ARHGAP15: variants seen among roughly 807,000 people sequenced by gnomAD.
ARHGAP15 encodes the protein Rho GTPase activating protein 15.
Under a neutral mutation model 63.7 loss-of-function variants are expected in ARHGAP15, and 51 were observed. The ratio of observed to expected loss-of-function variants is 0.80; its 90% CI spans 0.64 to 1.01. ARHGAP15 has a LOEUF of 1.01. Among genes scored for constraint, ARHGAP15 ranks in the 50% least tolerant of loss-of-function variants. The pLI is 0.00. For synonymous variants in ARHGAP15, 191 were observed against 193.8 expected (o/e 0.99, Z 0.12); for missense variants, 560 against 564.6 (o/e 0.99, Z 0.08).
At chr2:143,759,726 A>G (rs1686696360) in intron 13 of ARHGAP15, among the ~76,000 whole-genome samples, 1 of 152,096 alleles carries the variant, frequency 6.6e-6, no homozygotes, top group Non-Finnish European at 1.5e-5. Context: ...GTGCACCTCG[A>G]CAGGACTCTG....
intron 6 of ARHGAP15, among the ~76,000 whole-genome samples, chr2:143,387,841 G>A (rs969104500): frequency 6.7e-6 from 1 of 149,672 alleles, no homozygotes; most frequent in Non-Finnish European, 1.5e-5. Context: ...ACGCATGCAA[G>A]CACACACACA....
At chr2:143,203,325 T>C (rs142367966) in intron 3 of ARHGAP15, among the ~76,000 whole-genome samples, 230 of 152,310 alleles carry the variant, frequency 1.5e-3, no homozygotes, top group African/African-American at 5.5e-3. Flanking sequence ...CTTTGCTGTT[T>C]CCAATTTCTG....
chr2:143,725,355 G>A (rs1685230509), intron 13 of ARHGAP15, among the ~76,000 whole-genome samples: 1 of 152,208 alleles, frequency 6.6e-6, no homozygotes, highest in Admixed American at 6.5e-5. Context: ...AAAACACCAA[G>A]AATTTGCCAA....
At chr2:143,213,509 G>A (rs188624804) in intron 3 of ARHGAP15, among the ~76,000 whole-genome samples, 83 of 151,808 alleles carry the variant, frequency 5.5e-4, no homozygotes, top group African/African-American at 1.8e-3. Flanking sequence ...GCAAAACTCC[G>A]TCTCAAAAAT....
chr2:143,259,170 T>A (rs187687852), intron 6 of ARHGAP15, among the ~76,000 whole-genome samples: 20 of 152,270 alleles, frequency 1.3e-4, no homozygotes, highest in Middle Eastern at 6.8e-3. Context: ...AACATACTCT[T>A]TTGATGTGTA....
chr2:143,451,570 G>C (rs1690408754), intron 8 of ARHGAP15, among the ~76,000 whole-genome samples: 1 of 151,628 alleles, frequency 6.6e-6, no homozygotes, highest in Non-Finnish European at 1.5e-5. Flanking sequence ...AAGGACCTCA[G>C]AAAATCAAAA....
intron 4 of ARHGAP15, among the ~76,000 whole-genome samples, chr2:143,216,661 T>C (rs926270421): frequency 3.9e-5 from 6 of 152,222 alleles, no homozygotes; most frequent in Non-Finnish European, 8.8e-5. Context: ...ATAAATGAGA[T>C]GCTTTTTGTC....
intron 6 of ARHGAP15, among the ~76,000 whole-genome samples, chr2:143,331,485 A>T (rs1684545602): frequency 6.6e-6 from 1 of 152,182 alleles, no homozygotes; most frequent in African/African-American, 2.4e-5. Flanking sequence ...TTTTGTTAAA[A>T]TCCAGCAGAG....
intron 9 of ARHGAP15, among the ~76,000 whole-genome samples, chr2:143,499,200 G>A (rs1010787436): frequency 1.3e-5 from 2 of 152,146 alleles, no homozygotes; most frequent in Non-Finnish European, 2.9e-5. Context: ...TTTTCATACT[G>A]GAGTATTGAC....
At chr2:143,361,602 A>G (rs1475270468) in intron 6 of ARHGAP15, among the ~76,000 whole-genome samples, 2 of 152,186 alleles carry the variant, frequency 1.3e-5, no homozygotes, top group Non-Finnish European at 2.9e-5. Context: ...TATTGGCTCA[A>G]ACCTACCCTC....
At chr2:143,467,116 C>G (rs573861870) in intron 8 of ARHGAP15, among the ~76,000 whole-genome samples, 221 of 152,028 alleles carry the variant, frequency 1.5e-3, no homozygotes, top group African/African-American at 5.2e-3. Context: ...TACTCTTAAG[C>G]ATAGTTTTCC....
intron 6 of ARHGAP15, among the ~76,000 whole-genome samples, chr2:143,275,654 T>A (rs1681511780): frequency 6.6e-6 from 1 of 152,174 alleles, no homozygotes; most frequent in African/African-American, 2.4e-5. Flanking sequence ...AGAGGGATGA[T>A]CAAGTGAGTT....
chr2:143,440,441 T>G (rs1275397085), intron 8 of ARHGAP15, among the ~76,000 whole-genome samples: 4 of 152,210 alleles, frequency 2.6e-5, no homozygotes, highest in Non-Finnish European at 5.9e-5. Flanking sequence ...TTGTCGGTTT[T>G]CTGCCTTTGG....
intron 10 of ARHGAP15, 136 bp downstream of exon 10, chr2:143,519,500 A>G: frequency 1.8e-6 from 1 of 555,558 alleles, no homozygotes; most frequent in Middle Eastern, 3.6e-4. Context: ...GGTTAAGAGG[A>G]TCATCTTTCT....
At chr2:143,319,820 G>C (rs1461778785) in intron 6 of ARHGAP15, among the ~76,000 whole-genome samples, 1 of 152,106 alleles carries the variant, frequency 6.6e-6, no homozygotes, top group Non-Finnish European at 1.5e-5. Flanking sequence ...CAGGTGGAGA[G>C]CTAAATATAT....
intron 13 of ARHGAP15, among the ~76,000 whole-genome samples, chr2:143,744,239 G>A (rs949658027): frequency 1.3e-5 from 2 of 152,184 alleles, no homozygotes; most frequent in African/African-American, 2.4e-5. Context: ...GACTTGGGGA[G>A]GCCAACTTTG....
intron 13 of ARHGAP15, among the ~76,000 whole-genome samples, chr2:143,751,479 T>C (rs909575327): frequency 6.6e-6 from 1 of 152,176 alleles, no homozygotes; most frequent in Non-Finnish European, 1.5e-5. Context: ...GTGTTCTTCA[T>C]GTTCATTTGA....
chr2:143,322,556 T>C (rs1479733933), intron 6 of ARHGAP15, among the ~76,000 whole-genome samples: 1 of 152,192 alleles, frequency 6.6e-6, no homozygotes, highest in Non-Finnish European at 1.5e-5. Context: ...TTCTTAATAA[T>C]AGCAAGTAAC....
chr2:143,540,397 A>G (rs889766706), intron 10 of ARHGAP15, among the ~76,000 whole-genome samples: 5 of 152,140 alleles, frequency 3.3e-5, no homozygotes, highest in African/African-American at 1.2e-4. Context: ...TAGTATTGTT[A>G]TGTGTGAATT....
Sources: gnomAD v4.1 joint callset for allele counts (sites outside exome capture counted in the v4.1 genomes callset) on GRCh38, gnomAD v4.1.1 for gene constraint, MANE v1.5 for transcripts, NCBI Gene and HGNC (gene_info 2026-07-23, HGNC 2026-07-21) for gene names.